The following SLC25A31 variants were observed in gnomAD, a reference collection of about 807,000 sequenced individuals.
SLC25A31 encodes ADP/ATP translocase 4.
Under a neutral mutation model 36.2 loss-of-function variants are expected in SLC25A31, and 40 were observed. The ratio of observed to expected loss-of-function variants is 1.10; its 90% confidence interval spans 0.86 to 1.44. The LOEUF (loss-of-function observed/expected upper bound fraction) is 1.44. Ranked by LOEUF, SLC25A31 falls within the 40% of genes most tolerant of loss-of-function variation. The pLI is 0.00. For missense variants in SLC25A31, 350 were observed against 397.1 expected, an observed-to-expected ratio of 0.88 and a Z score of 1.01; for synonymous variants, 143 against 149.7, an observed-to-expected ratio of 0.96 and a Z score of 0.32.
chr4:127,739,188 G>C (rs1731688688), intron 1 of SLC25A31, among the ~76,000 whole-genome samples: 1 of 152,074 alleles, frequency 6.6e-6, no homozygotes, highest in Non-Finnish European at 1.5e-5. Flanking sequence ...TTGCTTTGTA[G>C]GATCTCTTGG....
In SLC25A31 at chr4:127,764,235, T is replaced by C. The variant is rs755001190; in HGVS notation, c.361-8T>C. ...TTTAATAACCACTTTTAAATTAATA[T>C]GTTTCAGTTCTGGAGGTGGTTTTTG... On this transcript the variant is annotated splice_region_variant and splice_polypyrimidine_tract_variant and intron_variant, in intron 2 of 5. Coordinates refer to ENST00000281154, the MANE Select transcript of SLC25A31 (RefSeq NM_031291.4). 5.6e-5 allele frequency: 90 copies of C among 1,610,052 alleles called. No individual in the cohort carries two copies. The highest frequency in any genetic ancestry group is 7.3e-5 in the Non-Finnish European group (86 of 1,177,156).
At chr4:127,772,787 T>TA (rs1732388182) in intron 5 of SLC25A31, among the ~76,000 whole-genome samples, 1 of 143,242 alleles carries the variant, frequency 7.0e-6, no homozygotes, top group Non-Finnish European at 1.5e-5. Flanking sequence ...TTTTTTTTTC[T>TA]TTTTTTTTTT....
At chr4:127,741,046 A>G (rs192399375) in intron 1 of SLC25A31, among the ~76,000 whole-genome samples, 6 of 152,298 alleles carry the variant, frequency 3.9e-5, no homozygotes, top group Admixed American at 3.9e-4. Context: ...TTTTTCAGGT[A>G]GTTCATTGTT....
At chr4:127,771,169 C>A (rs1210781316) in intron 5 of SLC25A31, among the ~76,000 whole-genome samples, 1 of 151,926 alleles carries the variant, frequency 6.6e-6, no homozygotes, top group Non-Finnish European at 1.5e-5. Context: ...TTTGCCCAGG[C>A]TGGTCTCGAA....
At chr4:127,743,294 C>T (rs568861824) in intron 1 of SLC25A31, among the ~76,000 whole-genome samples, 1 of 152,086 alleles carries the variant, frequency 6.6e-6, no homozygotes, top group Middle Eastern at 3.4e-3. Context: ...CGGCACACGG[C>T]TAATTTATTT....
chr4:127,736,680 G>A (rs1560630707), intron 1 of SLC25A31, among the ~76,000 whole-genome samples: 1 of 152,124 alleles, frequency 6.6e-6, no homozygotes, highest in Non-Finnish European at 1.5e-5. Flanking sequence ...AGTTCCCTCA[G>A]TGGTATACTG....
chr4:127,742,748 TTTC>T (rs1336748406), intron 1 of SLC25A31, among the ~76,000 whole-genome samples: 4 of 152,236 alleles, frequency 2.6e-5, no homozygotes, highest in Admixed American at 6.5e-5. Context: ...ATTTGAGATC[TTTC>T]TTCTTTATAC....
At chr4:127,751,705 A>T (rs1168125044) in intron 2 of SLC25A31, among the ~76,000 whole-genome samples, 6 of 152,148 alleles carry the variant, frequency 3.9e-5, no homozygotes, top group African/African-American at 7.2e-5. Flanking sequence ...GAATCTACAA[A>T]GAACTCAAAC....
intron 5 of SLC25A31, among the ~76,000 whole-genome samples, chr4:127,771,146 A>T (rs969975333): frequency 6.6e-6 from 1 of 151,592 alleles, no homozygotes; most frequent in East Asian, 1.9e-4. Context: ...TAGTAGAGAC[A>T]GGGTTTCACC....
In SLC25A31 at chr4:127,759,210, TG is replaced by T. The variant is rs1329754131; in HGVS notation, c.361-5031del. ...ACCTTCTTGGTGAAATGTATTCCTA[TG>T]GTTTTTTTTTTTTTTGTGGCTACTA... On this transcript the variant is annotated intron_variant, in intron 2 of 5. Coordinates refer to ENST00000281154, the MANE Select transcript of SLC25A31 (RefSeq NM_031291.4). Among the ~76,000 whole-genome samples, 35 of 150,644 alleles carry T rather than the reference TG, an allele frequency of 2.3e-4. 1 individual carries two copies. The highest frequency in any genetic ancestry group is 7.3e-4 in the African/African-American group (30 of 41,024).
chr4:127,740,632 A>G (rs1355700586), intron 1 of SLC25A31, among the ~76,000 whole-genome samples: 1 of 152,208 alleles, frequency 6.6e-6, no homozygotes, highest in Non-Finnish European at 1.5e-5. Flanking sequence ...CTTCACCACA[A>G]TGTCTGCACA....
chr4:127,739,012 C>T (rs539303359), intron 1 of SLC25A31, among the ~76,000 whole-genome samples: 1 of 152,052 alleles, frequency 6.6e-6, no homozygotes, highest in African/African-American at 2.4e-5. Flanking sequence ...TGAGATTGGT[C>T]TCTTAAAGAC....
At chr4:127,752,567 TA>T (rs139027354) in intron 2 of SLC25A31, among the ~76,000 whole-genome samples, 5,447 of 131,592 alleles carry the variant, frequency 0.041, 273 homozygotes, top group African/African-American at 0.12. Context: ...TAAAGTATAA[TA>T]AAAAAAAAAA....
intron 4 of SLC25A31, among the ~76,000 whole-genome samples, chr4:127,767,839 A>G (rs1732274338): frequency 6.6e-6 from 1 of 152,098 alleles, no homozygotes; most frequent in Non-Finnish European, 1.5e-5. Flanking sequence ...TACATCTTGA[A>G]TCTCAGAAAT....
intron 5 of SLC25A31, 65 bp downstream of exon 5, chr4:127,768,942 C>A (rs1732299895): frequency 1.4e-6 from 2 of 1,425,486 alleles, no homozygotes; most frequent in African/African-American, 1.5e-5. Context: ...TAGGTATAAT[C>A]AAATTTAAGA....
chr4:127,758,430 G>T (rs1578666935), intron 2 of SLC25A31, among the ~76,000 whole-genome samples: 1 of 152,196 alleles, frequency 6.6e-6, no homozygotes, highest in South Asian at 2.1e-4. Context: ...CTCCCATTCT[G>T]CATATTGTCT....
chr4:127,756,023 A>T (rs1732025477), intron 2 of SLC25A31, among the ~76,000 whole-genome samples: 1 of 147,254 alleles, frequency 6.8e-6, no homozygotes, highest in South Asian at 2.1e-4. Flanking sequence ...GCAAAGCAAG[A>T]CCCCACCTCA....
intron 4 of SLC25A31, 134 bp from the exon 5 acceptor site, chr4:127,768,618 A>C (rs946935248): frequency 4.3e-6 from 3 of 693,770 alleles, no homozygotes; most frequent in Non-Finnish European, 6.5e-6. Context: ...TGCTACTATT[A>C]AATCCAACAT....
chr4:127,740,303 G>A (rs967645704), intron 1 of SLC25A31, among the ~76,000 whole-genome samples: 5 of 152,052 alleles, frequency 3.3e-5, no homozygotes, highest in African/African-American at 4.8e-5. Context: ...GGGTGTAACT[G>A]TAGACAGTGT....
Sources: allele counts gnomAD v4.1 joint callset (sites outside exome capture counted in the v4.1 genomes callset), GRCh38; gene constraint gnomAD v4.1.1; transcripts MANE v1.5; gene names NCBI Gene and HGNC (gene_info 2026-07-23, HGNC 2026-07-21).